Variants in ATP2C1 observed in about 807,000 individuals in gnomAD.
ATP2C1 encodes the protein ATPase secretory pathway Ca2+ transporting 1, also known as calcium-transporting ATPase type 2C member 1.
A neutral mutation model predicts 120.5 loss-of-function variants in ATP2C1; 31 were observed. That is an observed-to-expected ratio of 0.26 (90% CI 0.19 to 0.35). The LOEUF is 0.35. Ranked by LOEUF, ATP2C1 falls within the 10% of genes least tolerant of loss-of-function variation. The pLI, the probability that ATP2C1 is intolerant of heterozygous loss-of-function variation, is 1.00. For synonymous variants in ATP2C1, 351 were observed against 358.7 expected, an observed-to-expected ratio of 0.98 and a Z score of 0.24; for missense variants, 731 against 1,107.5, an observed-to-expected ratio of 0.66 and a Z score of 4.83.
intron 11 of ATP2C1, 23 bp downstream of exon 11, chr3:130,956,202 T>A: frequency 6.8e-7 from 1 of 1,467,424 alleles, no homozygotes. Context: ...TGAGTATGTA[T>A]ATATTTTTAT....
At chr3:130,980,017 A>G (rs1475250186) in intron 19 of ATP2C1, among the ~76,000 whole-genome samples, 1 of 152,150 alleles carries the variant, frequency 6.6e-6, no homozygotes, top group Non-Finnish European at 1.5e-5. Context: ...CAAACTATAT[A>G]TTGTCTAAGA....
chr3:130,895,658 TA>T (rs2069557785), intron 2 of ATP2C1, among the ~76,000 whole-genome samples: 1 of 152,218 alleles, frequency 6.6e-6, no homozygotes, highest in African/African-American at 2.4e-5. Context: ...TAATTTGTTT[TA>T]AAAAATATGT....
chr3:130,941,691 T>C lies in ATP2C1; in HGVS notation c.523T>C (p.Leu175=). 1 of 1,612,994 alleles carries C rather than the reference T, an allele frequency of 6.2e-7. No homozygotes were observed. The highest frequency in any genetic ancestry group is 1.3e-5 in the African/African-American group (1 of 75,016). Residue 175 remains leucine (L), a synonymous_variant, in exon 8 of 28, where the codon TTG becomes CTG. Transcript: ENST00000510168. ...VGDRVPADLR[L]FEAVDLSIDE... Reference sequence around the variant, plus strand: ...GGATAGAGTTCCTGCTGACTTACGCTTGTTTGAGGTAAATTTGGGATCTGA... The same window carrying C: ...GGATAGAGTTCCTGCTGACTTACGCCTGTTTGAGGTAAATTTGGGATCTGA...
At chr3:130,874,205 A>C (rs1454538392) in intron 1 of ATP2C1, among the ~76,000 whole-genome samples, 2 of 152,140 alleles carry the variant, frequency 1.3e-5, no homozygotes, top group African/African-American at 4.8e-5. Flanking sequence ...AAAGATCATC[A>C]ATGTTTAAGA....
chr3:130,988,743 T>C (rs2062146705), intron 20 of ATP2C1, among the ~76,000 whole-genome samples: 1 of 152,166 alleles, frequency 6.6e-6, no homozygotes, highest in Admixed American at 6.5e-5. Context: ...AAAAGAACAG[T>C]AGATGCAGCC....
Position 131,003,150 on chromosome 3 carries a change from A to T in ATP2C1, c.*1800A>T, listed in dbSNP as rs934863897. ...AAAATAAAAATGATTTCTTAAGTTA[A>T]TGACATCCCAGTGGGGACTATTAGC... On this transcript the variant is annotated 3_prime_UTR_variant, in exon 28 of 28. Transcript: ENST00000510168. 1 of 982,586 alleles carries T rather than the reference A, an allele frequency of 1.0e-6. No individual in the cohort carries two copies. Among genetic ancestry groups the T allele is most frequent in the African/African-American group, 1.7e-5 (1 of 57,178 alleles). The allele number at this position is 982,586 out of a possible 1,614,324, so 60.9% of individuals were successfully genotyped here. A position where few individuals can be genotyped will look rare whatever the true frequency, so the allele number is the denominator to read the frequency against.
intron 2 of ATP2C1, among the ~76,000 whole-genome samples, chr3:130,895,341 T>G (rs1321600560): frequency 2.0e-5 from 3 of 152,192 alleles, no homozygotes; most frequent in Non-Finnish European, 4.4e-5. Flanking sequence ...CAAAACATCA[T>G]TTAGGAGGCT....
intron 1 of ATP2C1, among the ~76,000 whole-genome samples, chr3:130,874,387 C>T (rs79479425): frequency 6.6e-6 from 1 of 152,156 alleles, no homozygotes; most frequent in Non-Finnish European, 1.5e-5. Flanking sequence ...ACATCTTATT[C>T]TGTAACTTCC....
In ATP2C1 at chr3:130,941,645, T is replaced by TA; in HGVS notation, c.478dup (p.Thr160AsnfsTer9). The stretch of plus-strand genomic sequence containing the variant: ...TTGCCCGAGACTTGGTTCCAGGTGA[T>TA]ACAGTTTGCCTTTCTGTTGGGGATA... On this transcript the variant is annotated frameshift_variant, in exon 8 of 28. Transcript: ENST00000510168. LOFTEE classifies it high-confidence loss of function. 6.2e-7 allele frequency: 1 copy of TA among 1,614,156 alleles called. No individual in the cohort carries two copies. Among genetic ancestry groups the TA allele is most frequent in the Non-Finnish European group, 8.5e-7 (1 of 1,180,020 alleles).
intron 26 of ATP2C1, chr3:131,016,017 AT>A: frequency 8.3e-7 from 1 of 1,205,598 alleles, no homozygotes; most frequent in East Asian, 2.5e-5. Context: ...AATCAATTAC[AT>A]TAAGATTAGT....
At chr3:131,015,065 A>AT in intron 26 of ATP2C1, 1 of 504,598 alleles carries the variant, frequency 2.0e-6, no homozygotes, top group Non-Finnish European at 3.5e-6. Flanking sequence ...TTAAATTATT[A>AT]AACGAAAGAA....
intron 2 of ATP2C1, among the ~76,000 whole-genome samples, chr3:130,917,176 A>G (rs190107775): frequency 8.3e-4 from 126 of 152,336 alleles, no homozygotes; most frequent in African/African-American, 2.9e-3. Flanking sequence ...AGGCTAATGT[A>G]AGTGTTGCTG....
At chr3:130,977,193 CACTGAG>C (rs2061561116) in intron 18 of ATP2C1, among the ~76,000 whole-genome samples, 1 of 152,170 alleles carries the variant, frequency 6.6e-6, no homozygotes, top group African/African-American at 2.4e-5. Flanking sequence ...GTGGCAGCTC[CACTGAG>C]ACAATCCTGG....
intron 2 of ATP2C1, among the ~76,000 whole-genome samples, chr3:130,921,309 T>C (rs575180264): frequency 6.6e-6 from 1 of 152,310 alleles, no homozygotes; most frequent in South Asian, 2.1e-4. Flanking sequence ...CTCAAGCTCC[T>C]GACCTCAAGT....
intron 1 of ATP2C1, among the ~76,000 whole-genome samples, chr3:130,855,389 A>G (rs1238290074): frequency 6.6e-6 from 1 of 152,208 alleles, no homozygotes; most frequent in Non-Finnish European, 1.5e-5. Flanking sequence ...TAAGTATTAG[A>G]GAAGCCGTGG....
chr3:130,943,705 C>T (rs1257734507), intron 8 of ATP2C1, among the ~76,000 whole-genome samples: 1 of 152,112 alleles, frequency 6.6e-6, no homozygotes, highest in African/African-American at 2.4e-5. Context: ...ATTTTTTATT[C>T]TCTCTACCTT....
upstream of ATP2C1, among the ~76,000 whole-genome samples, chr3:130,891,914 C>T (rs1489387743): frequency 6.6e-6 from 1 of 152,106 alleles, no homozygotes; most frequent in Non-Finnish European, 1.5e-5. Context: ...CCAAAATTTC[C>T]AGATGCTTAA....
chr3:130,856,759 C>T (rs1381535500), intron 1 of ATP2C1, among the ~76,000 whole-genome samples: 1 of 152,144 alleles, frequency 6.6e-6, no homozygotes, highest in Non-Finnish European at 1.5e-5. Flanking sequence ...GCATGTTGAC[C>T]TTGCCCCCTG....
At chr3:130,870,245 G>A (rs976602661) in intron 1 of ATP2C1, among the ~76,000 whole-genome samples, 19 of 152,196 alleles carry the variant, frequency 1.2e-4, no homozygotes, top group African/African-American at 4.6e-4. Context: ...GCTCTGACAT[G>A]AGGTAAAAGG....
Sources: gnomAD v4.1 joint callset for allele counts (sites outside exome capture counted in the v4.1 genomes callset) on GRCh38, gnomAD v4.1.1 for gene constraint, MANE v1.5 for transcripts, NCBI Gene and HGNC (gene_info 2026-07-23, HGNC 2026-07-21) for gene names.